PRKN: variants seen among roughly 807,000 people sequenced by gnomAD.
The protein encoded by PRKN is E3 ubiquitin-protein ligase parkin.
PRKN carries 56 observed loss-of-function variants against 59.5 expected under a neutral mutation model. The ratio of observed to expected loss-of-function variants is 0.94; its 90% CI spans 0.76 to 1.18. PRKN has a LOEUF of 1.18. Among genes scored for constraint, PRKN ranks in the 50% most tolerant of loss-of-function variants. The pLI is 0.00. For missense variants in PRKN, 657 were observed against 596.4 expected (o/e 1.10, Z -1.06); for synonymous variants, 250 against 222.1 (o/e 1.13, Z -1.12).
At chr6:162,418,661 T>TGTGTGTGTGTGTGTGTGTGCGTGCG (rs1398856017) in intron 2 of PRKN, among the ~76,000 whole-genome samples, 3 of 145,656 alleles carry the variant, frequency 2.1e-5, no homozygotes, top group Non-Finnish European at 3.0e-5. Context: ...TGCGTGTGTG[T>TGTGTGTGTGTGTGTGTGTGCGTGCG]TGAGGGGGGG....
chr6:162,406,891 G>T (rs1438686703), intron 2 of PRKN, among the ~76,000 whole-genome samples: 1 of 151,944 alleles, frequency 6.6e-6, no homozygotes, highest in Non-Finnish European at 1.5e-5. Context: ...TAGTAGATCT[G>T]GTATGGCTCT....
chr6:161,911,548 T>C (rs999586857), intron 6 of PRKN, among the ~76,000 whole-genome samples: 13 of 152,146 alleles, frequency 8.5e-5, no homozygotes, highest in Non-Finnish European at 1.2e-4. Flanking sequence ...CCCCCAACCC[T>C]GGATAATGTC....
intron 10 of PRKN, among the ~76,000 whole-genome samples, chr6:161,374,333 G>C (rs1254805063): frequency 6.6e-6 from 1 of 151,402 alleles, no homozygotes; most frequent in African/African-American, 2.4e-5. Context: ...GTAACGCATG[G>C]TGTGCATGTT....
At chr6:161,368,299 A>G (rs62435872) in intron 10 of PRKN, among the ~76,000 whole-genome samples, 11 of 102,896 alleles carry the variant, frequency 1.1e-4, no homozygotes, top group African/African-American at 2.8e-4. Context: ...ATATATATTT[A>G]TATATATTTG....
At position 162,029,432 on chromosome 6, in the gene PRKN, C is replaced by T. The variant is rs74732616; in HGVS notation, c.618+24659G>A. Reference sequence around the variant, plus strand: ...AAGTTCCTGAAGTTAAGGGATGTGGCTTTCACATCCTTGTATTTCCCACAG... The same window carrying T: ...AAGTTCCTGAAGTTAAGGGATGTGGTTTTCACATCCTTGTATTTCCCACAG... On this transcript the variant is annotated intron_variant, in intron 5 of 11. Transcript: ENST00000366898. Among the ~76,000 whole-genome samples the T allele has an allele frequency of 6.0e-3, 917 of 152,268 alleles. 8 individuals carry two copies. The highest frequency in any genetic ancestry group is 0.021 in the African/African-American group (860 of 41,532).
intron 6 of PRKN, among the ~76,000 whole-genome samples, chr6:161,958,547 T>C (rs560511517): frequency 3.9e-5 from 6 of 152,296 alleles, no homozygotes; most frequent in African/African-American, 1.4e-4. Context: ...TCTTTGCAGT[T>C]GTTTTCATTG....
In PRKN at chr6:162,349,158, T is replaced by G. The variant is rs529620069; in HGVS notation, c.172-86393A>C. Among the ~76,000 whole-genome samples, 8 of 152,270 alleles carry G rather than the reference T, an allele frequency of 5.3e-5. No individual in the cohort carries two copies. In the East Asian group the frequency reaches 1.5e-3, roughly 29 times the overall value. ...AAAAATTACATGAATCTACACAAAC[T>G]TTAGCAGAAAATTAAAAAGGAATGA... On this transcript the variant is annotated intron_variant, in intron 2 of 11. Coordinates refer to ENST00000366898, the MANE Select transcript of PRKN (RefSeq NM_004562.3).
chr6:162,336,238 T>C (rs185249611), intron 2 of PRKN, among the ~76,000 whole-genome samples: 68 of 152,306 alleles, frequency 4.5e-4, no homozygotes, highest in Non-Finnish European at 7.6e-4. Flanking sequence ...GTATACAATG[T>C]ATACAAGTAT....
chr6:162,160,893 A>G (rs1258798953), intron 4 of PRKN, among the ~76,000 whole-genome samples: 4 of 101,350 alleles, frequency 3.9e-5, no homozygotes, highest in African/African-American at 1.8e-4. Flanking sequence ...TCCGTCTCAA[A>G]AAAAAAAAAA....
At chr6:162,661,191 G>A (rs998250486) in intron 1 of PRKN, among the ~76,000 whole-genome samples, 2 of 152,020 alleles carry the variant, frequency 1.3e-5, no homozygotes, top group African/African-American at 4.8e-5. Flanking sequence ...AACTCAGGAG[G>A]CAAAGGTTGC....
intron 9 of PRKN, among the ~76,000 whole-genome samples, chr6:161,421,134 C>T (rs1192947409): frequency 6.6e-6 from 1 of 152,154 alleles, no homozygotes; most frequent in Non-Finnish European, 1.5e-5. Flanking sequence ...TGAAGTTCAC[C>T]TGGGTGAGCC....
At chr6:162,213,234 T>C (rs529979723) in intron 3 of PRKN, among the ~76,000 whole-genome samples, 4 of 152,296 alleles carry the variant, frequency 2.6e-5, no homozygotes, top group African/African-American at 9.6e-5. Flanking sequence ...ATGCCATCTA[T>C]CAATAATGTT....
intron 7 of PRKN, among the ~76,000 whole-genome samples, chr6:161,718,665 A>G (rs1207053496): frequency 6.6e-6 from 1 of 152,092 alleles, no homozygotes; most frequent in East Asian, 1.9e-4. Flanking sequence ...CCTGCCAGTA[A>G]GGCTGCACCC....
intron 9 of PRKN, among the ~76,000 whole-genome samples, chr6:161,452,070 C>T (rs1380441885): frequency 1.3e-5 from 2 of 151,880 alleles, no homozygotes; most frequent in Non-Finnish European, 2.9e-5. Context: ...ATTCTCCTTC[C>T]TCAGCCTCCT....
intron 4 of PRKN, among the ~76,000 whole-genome samples, chr6:162,111,030 C>T (rs1270005330): frequency 6.6e-6 from 1 of 152,094 alleles, no homozygotes; most frequent in African/African-American, 2.4e-5. Context: ...GTGGGCTTCA[C>T]CTCAACCGGG....
At chr6:162,620,685 T>C (rs1227750838) in intron 1 of PRKN, among the ~76,000 whole-genome samples, 1 of 152,084 alleles carries the variant, frequency 6.6e-6, no homozygotes, top group African/African-American at 2.4e-5. Context: ...CTCATTTTTT[T>C]TGGGTTAACA....
intron 1 of PRKN, among the ~76,000 whole-genome samples, chr6:162,498,823 T>C (rs1329722906): frequency 1.0e-5 from 1 of 95,304 alleles, no homozygotes; most frequent in East Asian, 3.0e-4. Context: ...ATGAGGTTTA[T>C]GAGAATTGGA....
intron 6 of PRKN, among the ~76,000 whole-genome samples, chr6:161,814,400 T>G (rs1017743592): frequency 6.6e-6 from 1 of 152,190 alleles, no homozygotes; most frequent in African/African-American, 2.4e-5. Context: ...GACTCACAGT[T>G]TCACATGGCT....
chr6:162,520,474 G>A (rs113105296), intron 1 of PRKN, among the ~76,000 whole-genome samples: 19 of 152,180 alleles, frequency 1.2e-4, no homozygotes, highest in African/African-American at 4.3e-4. Context: ...GTTCCCTCTT[G>A]CCCAAGTGCT....
Sources: allele counts gnomAD v4.1 joint callset (sites outside exome capture counted in the v4.1 genomes callset), GRCh38; gene constraint gnomAD v4.1.1; transcripts MANE v1.5; gene names NCBI Gene and HGNC (gene_info 2026-07-23, HGNC 2026-07-21).